The following OASL variants were observed in gnomAD, a reference collection of about 807,000 sequenced individuals.
OASL encodes the protein 2'-5'-oligoadenylate synthetase like.
In OASL, 28 loss-of-function variants were observed where a neutral mutation model predicts 35.3. The observed-to-expected ratio is 0.79, with a 90% CI of 0.59 to 1.09. OASL has a LOEUF of 1.09. Among genes scored for constraint, OASL ranks in the 50% least tolerant of loss-of-function variants. The pLI is 0.00. For synonymous variants in OASL, 252 were observed against 254.6 expected (o/e 0.99, Z 0.10); for missense variants, 620 against 635.2 (o/e 0.98, Z 0.26).
At chr12:121,037,537 G>A (rs1264935520) in intron 1 of OASL, among the ~76,000 whole-genome samples, 1 of 152,094 alleles carries the variant, frequency 6.6e-6, no homozygotes, top group African/African-American at 2.4e-5. Context: ...CACTTTGGGA[G>A]GCCGAGGAGG....
At chr12:121,031,555 C>T (rs200285885) in exon 3 of OASL, 198 of 1,613,958 alleles carry the variant, frequency 1.2e-4, no homozygotes, top group Non-Finnish European at 1.5e-4. Flanking sequence ...CCAGGACCAC[C>T]GCAGGCCTTG....
chr12:121,038,815 GCTT>G, exon 1 of OASL: 1 of 1,614,032 alleles, frequency 6.2e-7, no homozygotes, highest in Non-Finnish European at 8.5e-7. Flanking sequence ...TCCAGCCCAC[GCTT>G]CCCCTGGAAA....
At position 121,033,480 on chromosome 12, in the gene OASL, C is replaced by T. The variant is rs61733227; in HGVS notation, c.462G>A (p.Val154=). The change falls in exon 2 of 6, where the codon GTG becomes GTA. Residue 154 remains valine (V), a synonymous_variant. Transcript: ENST00000257570. ...CCTTACCCAGGGCTCTGTAGGCAGGCACAATGGTGACCGTGATGGGCTCCG... is the reference window on the plus strand; with the variant it reads ...CCTTACCCAGGGCTCTGTAGGCAGGTACAATGGTGACCGTGATGGGCTCCG... 2,077 of 1,612,984 alleles carry T rather than the reference C, an allele frequency of 1.3e-3. 25 individuals are homozygous for T. The African/African-American group carries it at 0.024, about 19-fold the overall frequency.
intron 5 of OASL, among the ~76,000 whole-genome samples, chr12:121,022,546 A>C (rs1322352773): frequency 6.6e-6 from 1 of 152,164 alleles, no homozygotes; most frequent in Non-Finnish European, 1.5e-5. Flanking sequence ...TTCAGGAAAA[A>C]TCCAGAGGCG....
intron 4 of OASL, among the ~76,000 whole-genome samples, 183 bp downstream of exon 4, chr12:121,027,393 C>G (rs1174666051): frequency 6.6e-6 from 1 of 152,216 alleles, no homozygotes; most frequent in Non-Finnish European, 1.5e-5. Context: ...CCCATGGCCC[C>G]CCAGTGACTT....
In OASL at chr12:121,027,823, G is replaced by C. The variant is rs1454101700; in HGVS notation, c.658-6C>G. 1.2e-6 allele frequency: 2 copies of C among 1,610,700 alleles called. No individual in the cohort carries two copies. Among genetic ancestry groups the C allele is most frequent in the Admixed American group, 3.3e-5 (2 of 59,968 alleles). The stretch of plus-strand genomic sequence containing the variant: ...GGGGACCTGGCTTTCACATACTGTT[G>C]AAAGAGATGGGAAGACAGAGAGAGA... On this transcript the variant is annotated splice_polypyrimidine_tract_variant and splice_region_variant and intron_variant, in intron 3 of 5. Transcript: ENST00000257570.
At chr12:121,018,796 G>A (rs1018595635), downstream of OASL, among the ~76,000 whole-genome samples, 6 of 150,806 alleles carry the variant, frequency 4.0e-5, no homozygotes, top group Non-Finnish European at 5.9e-5. Flanking sequence ...CTTGAACCTC[G>A]GAGGCAGAGG....
At chr12:121,019,919 A>T (rs1869162566) in exon 6 of OASL, 1 of 152,340 alleles carries the variant, frequency 6.6e-6, no homozygotes, top group Non-Finnish European at 1.5e-5. Context: ...AATAGGAAGC[A>T]GGATGGGAGT....
intron 5 of OASL, among the ~76,000 whole-genome samples, chr12:121,022,709 C>T (rs991651502): frequency 5.3e-5 from 8 of 152,192 alleles, no homozygotes; most frequent in Non-Finnish European, 1.5e-5. Flanking sequence ...CTCATCCCAG[C>T]CTCCCATCCT....
exon 5 of OASL, chr12:121,024,130 T>C: frequency 6.2e-7 from 1 of 1,613,920 alleles, no homozygotes; most frequent in Non-Finnish European, 8.5e-7. Flanking sequence ...GGATCCAGGA[T>C]GATGGGCCTG....
exon 1 of OASL, chr12:121,039,099 C>A (rs769888937): frequency 2.7e-6 from 2 of 748,816 alleles, no homozygotes; most frequent in Non-Finnish European, 4.4e-6. Context: ...GGAGGAGGGA[C>A]CCTAGCAGAG....
intron 4 of OASL, among the ~76,000 whole-genome samples, chr12:121,026,833 CAG>C (rs1157853089): frequency 6.7e-6 from 1 of 149,088 alleles, no homozygotes; most frequent in African/African-American, 2.5e-5. Context: ...CCCTGGGTGA[CAG>C]AGCAAAACTC....
intron 3 of OASL, among the ~76,000 whole-genome samples, chr12:121,028,613 A>AC (rs1565905424): frequency 6.7e-6 from 1 of 148,498 alleles, no homozygotes; most frequent in Non-Finnish European, 1.5e-5. Context: ...AGTGCCTGAA[A>AC]CCCGCCCCCC....
chr12:121,030,597 TG>T (rs1442218033), intron 3 of OASL, among the ~76,000 whole-genome samples: 3 of 152,224 alleles, frequency 2.0e-5, no homozygotes, highest in African/African-American at 7.2e-5. Flanking sequence ...TTTTTGTCTC[TG>T]AGTTCTGTTT....
At chr12:121,019,839 A>G (rs1869160530) in exon 6 of OASL, 1 of 152,188 alleles carries the variant, frequency 6.6e-6, no homozygotes, top group African/African-American at 2.4e-5. Flanking sequence ...CTGGAAGTGC[A>G]CTCACCAGAA....
At chr12:121,023,764 A>G (rs1056458072) in intron 5 of OASL, 7 of 473,768 alleles carry the variant, frequency 1.5e-5, no homozygotes, top group African/African-American at 9.7e-5. Context: ...AAATTATGGG[A>G]AAAAGAAAGG....
intron 1 of OASL, 76 bp from the exon 2 acceptor site, chr12:121,033,819 CTG>C (rs980996217): frequency 1.1e-5 from 17 of 1,481,698 alleles, no homozygotes; most frequent in Non-Finnish European, 1.6e-5. Context: ...TTCACATGCA[CTG>C]TCTCACTGAA....
At chr12:121,034,608 T>C (rs974671276) in intron 1 of OASL, among the ~76,000 whole-genome samples, 8 of 152,156 alleles carry the variant, frequency 5.3e-5, no homozygotes, top group African/African-American at 1.7e-4. Context: ...CAAGTTTGCC[T>C]GGTGGATTTA....
intron 4 of OASL, 84 bp downstream of exon 4, chr12:121,027,492 A>C (rs1470988439): frequency 1.3e-6 from 2 of 1,576,226 alleles, no homozygotes; most frequent in Admixed American, 3.5e-5. Flanking sequence ...TAATACAGCC[A>C]ATCCATAAAA....
Sources: allele counts gnomAD v4.1 joint callset (sites outside exome capture counted in the v4.1 genomes callset), GRCh38; gene constraint gnomAD v4.1.1; transcripts MANE v1.5; gene names NCBI Gene and HGNC (gene_info 2026-07-23, HGNC 2026-07-21).